The following LPAR3 variants were observed in gnomAD, a reference collection of about 807,000 sequenced individuals.
LPAR3 encodes the protein LPA receptor 3.
LPAR3 carries 7 observed loss-of-function variants against 17.8 expected under a neutral mutation model. That is an observed-to-expected ratio of 0.39 (90% confidence interval 0.22 to 0.74). The LOEUF (loss-of-function observed/expected upper bound fraction) is 0.74. Ranked by LOEUF, LPAR3 falls within the 30% of genes least tolerant of loss-of-function variation. The pLI is 0.40. For missense variants in LPAR3, 391 were observed against 453.4 expected, an observed-to-expected ratio of 0.86 and a Z score of 1.25; for synonymous variants, 179 against 179.9, an observed-to-expected ratio of 0.99 and a Z score of 0.04.
At chr1:84,854,498 A>G (rs541923054) in intron 2 of LPAR3, among the ~76,000 whole-genome samples, 7 of 152,336 alleles carry the variant, frequency 4.6e-5, no homozygotes, top group Non-Finnish European at 8.8e-5. Context: ...AGGAAAAGCC[A>G]CACAGAACAG....
intron 2 of LPAR3, among the ~76,000 whole-genome samples, chr1:84,851,550 C>A (rs1288177810): frequency 1.3e-5 from 2 of 152,334 alleles, no homozygotes; most frequent in East Asian, 1.9e-4. Flanking sequence ...TGAGTTAATT[C>A]TTTTAATATA....
At chr1:84,878,950 A>G (rs1248511765) in intron 1 of LPAR3, among the ~76,000 whole-genome samples, 2 of 152,132 alleles carry the variant, frequency 1.3e-5, no homozygotes, top group African/African-American at 4.8e-5. Flanking sequence ...TCTGCTCCTG[A>G]CCAATTACTC....
chr1:84,832,249 C>G (rs1239843993), intron 2 of LPAR3, among the ~76,000 whole-genome samples: 2 of 152,156 alleles, frequency 1.3e-5, no homozygotes, highest in Non-Finnish European at 2.9e-5. Context: ...TCTAGGAACA[C>G]TGATATAAAA....
rs528360341 is a variant in LPAR3 at position 84,818,788 on chromosome 1, T to A, written c.737-4617A>T. Reference sequence around the variant, plus strand: ...TGCTTTTTCTCATGGTTTTCCAATATACGGATGTAATGTTAGACATCATAT... The same window carrying A: ...TGCTTTTTCTCATGGTTTTCCAATAAACGGATGTAATGTTAGACATCATAT... On this transcript the variant is annotated intron_variant, in intron 2 of 2. Transcript: ENST00000370611. 2.0e-5 allele frequency among the ~76,000 whole-genome samples: 3 copies of A among 152,348 alleles called. No individual in the cohort carries two copies. In the East Asian group the frequency reaches 5.8e-4, roughly 29 times the overall value.
At position 84,813,829 on chromosome 1, in the gene LPAR3, C is replaced by T. The variant is rs766209224; in HGVS notation, c.*17G>A. On this transcript the variant is annotated 3_prime_UTR_variant, in exon 3 of 3. Coordinates refer to ENST00000370611, the MANE Select transcript of LPAR3 (RefSeq NM_012152.3). The stretch of plus-strand genomic sequence containing the variant: ...TTTCCCAGAGGAGGCCTGGGTGGGC[C>T]GAGAGGCATCCAGAGTTTAGGAAGT... 2.5e-5 allele frequency: 40 copies of T among 1,603,168 alleles called. No homozygotes were observed. Among genetic ancestry groups the T allele is most frequent in the Non-Finnish European group, 2.9e-5 (34 of 1,172,296 alleles).
intron 2 of LPAR3, among the ~76,000 whole-genome samples, chr1:84,825,786 C>T (rs1659144016): frequency 6.6e-6 from 1 of 152,226 alleles, no homozygotes; most frequent in African/African-American, 2.4e-5. Context: ...GCCGGGCCTA[C>T]TATCCTGCCT....
intron 2 of LPAR3, among the ~76,000 whole-genome samples, chr1:84,850,504 T>C (rs1489792227): frequency 6.6e-6 from 1 of 151,966 alleles, no homozygotes; most frequent in Non-Finnish European, 1.5e-5. Flanking sequence ...GGAGGATCGC[T>C]TGAACCTGGT....
At chr1:84,830,327 G>C (rs1211963689) in intron 2 of LPAR3, among the ~76,000 whole-genome samples, 2 of 152,184 alleles carry the variant, frequency 1.3e-5, no homozygotes, top group Non-Finnish European at 2.9e-5. Flanking sequence ...ACTACCCAGA[G>C]ACAGGGCAAG....
Position 84,813,856 on chromosome 1 carries a change from C to T in LPAR3, c.1052G>A (p.Ser351Asn), listed in dbSNP as rs1557586607. ...SISQGAVCNK[S>N]TS ...AGAGGCATCCAGAGTTTAGGAAGTG[C>T]TTTTATTGCAGACTGCACCTTGGCT... Residue 351 changes from serine to asparagine, a missense_variant, in exon 3 of 3, where the codon AGC (serine) becomes AAC (asparagine). By Grantham distance (46) the Ser-to-Asn change is conservative. Transcript: ENST00000370611. The T allele has an allele frequency of 6.2e-7, 1 of 1,612,530 alleles. No individual in the cohort carries two copies. Among genetic ancestry groups the T allele is most frequent in the East Asian group, 2.2e-5 (1 of 44,834 alleles).
intron 2 of LPAR3, among the ~76,000 whole-genome samples, chr1:84,817,263 A>T (rs905743509): frequency 4.0e-5 from 3 of 74,330 alleles, no homozygotes; most frequent in African/African-American, 7.7e-5. Context: ...AGGATCTATC[A>T]CACACACACA....
At chr1:84,822,747 C>A (rs1390395109) in intron 2 of LPAR3, among the ~76,000 whole-genome samples, 1 of 152,182 alleles carries the variant, frequency 6.6e-6, no homozygotes. Context: ...TCAGTTTACA[C>A]AAGGCCTGTT....
At chr1:84,828,343 G>C (rs1374364104) in intron 2 of LPAR3, among the ~76,000 whole-genome samples, 2 of 152,298 alleles carry the variant, frequency 1.3e-5, no homozygotes, top group African/African-American at 4.8e-5. Flanking sequence ...GTCTGATTCA[G>C]AGCAGCATTC....
At chr1:84,842,498 A>G (rs1271932448) in intron 2 of LPAR3, among the ~76,000 whole-genome samples, 3 of 152,224 alleles carry the variant, frequency 2.0e-5, no homozygotes, top group African/African-American at 7.2e-5. Context: ...CTTTAGCTCC[A>G]TAAGTTATAG....
At chr1:84,837,166 C>T (rs1264474691) in intron 2 of LPAR3, among the ~76,000 whole-genome samples, 1 of 151,938 alleles carries the variant, frequency 6.6e-6, no homozygotes, top group Non-Finnish European at 1.5e-5. Flanking sequence ...GGACTACAGG[C>T]ACGTGCCACC....
At chr1:84,832,329 G>A (rs1157672814) in intron 2 of LPAR3, among the ~76,000 whole-genome samples, 3 of 152,134 alleles carry the variant, frequency 2.0e-5, no homozygotes, top group East Asian at 1.9e-4. Context: ...AATAAGTGTC[G>A]GGAAGTCAAG....
intron 1 of LPAR3, among the ~76,000 whole-genome samples, chr1:84,880,252 C>T (rs182829141): frequency 6.6e-6 from 1 of 152,220 alleles, no homozygotes; most frequent in Non-Finnish European, 1.5e-5. Context: ...ACTGCTTGAA[C>T]AGAACCAGAA....
chr1:84,819,280 G>A (rs1215468863), intron 2 of LPAR3, among the ~76,000 whole-genome samples: 1 of 152,200 alleles, frequency 6.6e-6, no homozygotes, highest in South Asian at 2.1e-4. Context: ...AAATGTTACT[G>A]TTATGGGAAA....
chr1:84,851,315 C>A (rs1461119327), intron 2 of LPAR3, among the ~76,000 whole-genome samples: 1 of 152,178 alleles, frequency 6.6e-6, no homozygotes, highest in Non-Finnish European at 1.5e-5. Flanking sequence ...GTCCCTCTTA[C>A]CTTTGTTCTT....
At position 84,892,212 on chromosome 1, in the gene LPAR3, CAAAAATAAATAA is replaced by C. The variant is rs1245920997; in HGVS notation, c.-19+792_-19+803del. Among the ~76,000 whole-genome samples, 662 of 119,442 alleles carry C rather than the reference CAAAAATAAATAA, an allele frequency of 5.5e-3. 5 individuals carry two copies. The highest frequency in any genetic ancestry group is 0.021 in the African/African-American group (631 of 30,612). The allele number at this position is 119,442 out of a possible 152,430, so 78.4% of individuals were successfully genotyped here. A position where few individuals can be genotyped will look rare whatever the true frequency, so the allele number is the denominator to read the frequency against. ...CGGATGATAGTGCGAGACTGTGTCT[CAAAAATAAATAA>C]ATAAATAAATAAATAAATAAATAAA... is the stretch of plus-strand genomic sequence containing the variant. On this transcript the variant is annotated intron_variant, in intron 1 of 2. Coordinates refer to ENST00000370611, the MANE Select transcript of LPAR3 (RefSeq NM_012152.3).
Sources: gnomAD v4.1 joint callset for allele counts (sites outside exome capture counted in the v4.1 genomes callset) on GRCh38, gnomAD v4.1.1 for gene constraint, MANE v1.5 for transcripts, NCBI Gene and HGNC (gene_info 2026-07-23, HGNC 2026-07-21) for gene names.